DLG2: variants seen among roughly 807,000 people sequenced by gnomAD.
The protein encoded by DLG2 is discs large MAGUK scaffold protein 2, also known as disks large homolog 2.
A neutral mutation model predicts 132.5 loss-of-function variants in DLG2; 45 were observed. The ratio of observed to expected loss-of-function variants is 0.34; its 90% CI spans 0.27 to 0.44. The LOEUF is 0.44. Ranked by LOEUF, DLG2 falls within the 20% of genes least tolerant of loss-of-function variation. The pLI, the probability that DLG2 is intolerant of heterozygous loss-of-function variation, is 1.00. For synonymous variants in DLG2, 424 were observed against 419.6 expected (o/e 1.01, Z -0.13); for missense variants, 1,045 against 1,196.9 (o/e 0.87, Z 1.87).
intron 6 of DLG2, among the ~76,000 whole-genome samples, chr11:84,898,099 T>C (rs929232202): frequency 1.3e-5 from 2 of 151,942 alleles, no homozygotes; most frequent in African/African-American, 4.8e-5. Flanking sequence ...TTTGCAAAGA[T>C]ATAACAATAA....
intron 6 of DLG2, among the ~76,000 whole-genome samples, chr11:84,686,169 T>C (rs1227216596): frequency 1.3e-5 from 2 of 152,174 alleles, no homozygotes; most frequent in African/African-American, 4.8e-5. Context: ...TCAGTCAACC[T>C]CCTGACTGTA....
intron 7 of DLG2, among the ~76,000 whole-genome samples, chr11:84,524,515 T>C (rs1261904422): frequency 1.3e-5 from 2 of 152,224 alleles, no homozygotes; most frequent in Admixed American, 1.3e-4. Context: ...TGGAACACAA[T>C]GTGCTGTGCA....
At chr11:84,829,861 T>C (rs1025239118) in intron 6 of DLG2, among the ~76,000 whole-genome samples, 1 of 151,588 alleles carries the variant, frequency 6.6e-6, no homozygotes, top group Non-Finnish European at 1.5e-5. Flanking sequence ...TAAAAATAAA[T>C]AGAATAGAAT....
intron 7 of DLG2, among the ~76,000 whole-genome samples, chr11:84,441,901 C>A (rs2099018300): frequency 6.6e-6 from 1 of 152,046 alleles, no homozygotes; most frequent in African/African-American, 2.4e-5. Context: ...TTGTTTTTGT[C>A]AGGTTTGTCA....
At chr11:84,828,430 T>C (rs4944496) in intron 6 of DLG2, among the ~76,000 whole-genome samples, 70,898 of 151,626 alleles carry the variant, frequency 0.47, 17,928 homozygotes, top group Non-Finnish European at 0.58. Context: ...AGAATAAGAA[T>C]AGCTGATGAG....
At chr11:83,940,778 T>C (rs2082473703) in intron 14 of DLG2, among the ~76,000 whole-genome samples, 1 of 152,202 alleles carries the variant, frequency 6.6e-6, no homozygotes, top group Non-Finnish European at 1.5e-5. Context: ...CATGTGATCT[T>C]GGGCAGGTTG....
chr11:84,073,200 C>A (rs2096781428), intron 10 of DLG2, among the ~76,000 whole-genome samples: 1 of 152,120 alleles, frequency 6.6e-6, no homozygotes, highest in East Asian at 1.9e-4. Flanking sequence ...AGTATCCACA[C>A]CTTTTCCTCA....
At chr11:85,519,942 C>A (rs371833696) in intron 3 of DLG2, among the ~76,000 whole-genome samples, 8 of 152,102 alleles carry the variant, frequency 5.3e-5, no homozygotes, top group Non-Finnish European at 1.2e-4. Flanking sequence ...TCCCCAGCCA[C>A]GTAGAACTGT....
In DLG2 at chr11:84,791,463, C is replaced by CTAT. The variant is rs555089704; in HGVS notation, c.358-256735_358-256733dup. 8.5e-5 allele frequency among the ~76,000 whole-genome samples: 13 copies of CTAT among 152,126 alleles called. No individual in the cohort carries two copies. The East Asian group carries it at 2.5e-3, about 29-fold the overall frequency. ...TTCATATAAATTTTAGGATTTTTTT[C>CTAT]TATTTATGTGAAGAATATCATTGCT... On this transcript the variant is annotated intron_variant, in intron 6 of 27. Coordinates refer to ENST00000376104, the MANE Select transcript of DLG2 (RefSeq NM_001142699.3).
chr11:85,145,289 TA>T (rs1156760569), intron 5 of DLG2, among the ~76,000 whole-genome samples: 1 of 152,126 alleles, frequency 6.6e-6, no homozygotes. Context: ...ATTTGATTAT[TA>T]AATGTGTTGA....
At chr11:85,142,708 T>C (rs2076579230) in intron 5 of DLG2, among the ~76,000 whole-genome samples, 2 of 151,844 alleles carry the variant, frequency 1.3e-5, no homozygotes, top group African/African-American at 2.4e-5. Flanking sequence ...CTAGCATACA[T>C]AGCTTTTAAT....
At chr11:85,034,219 A>G (rs911568809) in intron 6 of DLG2, among the ~76,000 whole-genome samples, 5 of 151,828 alleles carry the variant, frequency 3.3e-5, no homozygotes, top group African/African-American at 9.7e-5. Context: ...CTGGGACCAC[A>G]GGCGCCTGCC....
At chr11:84,415,575 G>A (rs956371561) in intron 7 of DLG2, among the ~76,000 whole-genome samples, 1 of 152,138 alleles carries the variant, frequency 6.6e-6, no homozygotes, top group Non-Finnish European at 1.5e-5. Flanking sequence ...ATCAATGAAT[G>A]CATATTGTCA....
chr11:84,825,573 C>T (rs1461191913), intron 6 of DLG2, among the ~76,000 whole-genome samples: 4 of 151,908 alleles, frequency 2.6e-5, no homozygotes, highest in Admixed American at 2.6e-4. Flanking sequence ...TGCTATTTCT[C>T]TTCTGCCTGT....
intron 11 of DLG2, among the ~76,000 whole-genome samples, chr11:83,999,293 T>C (rs549706018): frequency 6.6e-6 from 1 of 152,278 alleles, no homozygotes; most frequent in South Asian, 2.1e-4. Context: ...TGCTTGAGAT[T>C]GGGTCTACCT....
At chr11:83,982,169 C>T (rs976317916) in intron 11 of DLG2, among the ~76,000 whole-genome samples, 1 of 151,736 alleles carries the variant, frequency 6.6e-6, no homozygotes. Context: ...TAACTATGTT[C>T]CTGGTTTATG....
intron 11 of DLG2, among the ~76,000 whole-genome samples, chr11:83,997,457 A>G (rs930644824): frequency 6.6e-6 from 1 of 152,062 alleles, no homozygotes; most frequent in Non-Finnish European, 1.5e-5. Flanking sequence ...AAATAAGACC[A>G]GGTGCAGTGG....
chr11:85,192,634 A>G (rs1234072334), intron 4 of DLG2, among the ~76,000 whole-genome samples: 1 of 152,246 alleles, frequency 6.6e-6, no homozygotes, highest in Non-Finnish European at 1.5e-5. Context: ...TTTATCTGGA[A>G]TAAGAGGACC....
chr11:84,457,769 CA>C (rs934340923), intron 7 of DLG2, among the ~76,000 whole-genome samples: 1 of 150,756 alleles, frequency 6.6e-6, no homozygotes, highest in Non-Finnish European at 1.5e-5. Context: ...GTTAATTTTC[CA>C]AAGTTATATT....
Sources: allele counts gnomAD v4.1 joint callset (sites outside exome capture counted in the v4.1 genomes callset), GRCh38; gene constraint gnomAD v4.1.1; transcripts MANE v1.5; gene names NCBI Gene and HGNC (gene_info 2026-07-23, HGNC 2026-07-21).